Variants in MYO9A observed in about 807,000 individuals in gnomAD.
MYO9A encodes myosin IXA, also known as unconventional myosin-IXa.
Under a neutral mutation model 293.3 loss-of-function variants are expected in MYO9A, and 103 were observed. That is an observed-to-expected ratio of 0.35 (90% CI 0.30 to 0.41). MYO9A has a LOEUF of 0.41. Among genes scored for constraint, MYO9A ranks in the 10% least tolerant of loss-of-function variants. The pLI is 1.00. For synonymous variants in MYO9A, 1,001 were observed against 1,035.7 expected, an observed-to-expected ratio of 0.97 and a Z score of 0.64; for missense variants, 2,685 against 3,033.0, an observed-to-expected ratio of 0.89 and a Z score of 2.69.
Position 71,978,214 on chromosome 15 carries a change from T to C in MYO9A, c.1801A>G (p.Lys601Glu), listed in dbSNP as rs371870166. 6.2e-6 allele frequency: 10 copies of C among 1,613,346 alleles called. No individual in the cohort carries two copies. The African/African-American group carries it at 8.0e-5, about 13-fold the overall frequency. ...DNTCCINLIS[K>E]KPTGLLHLLD... ...AGATGAAGCAGTCCTGTTGGTTTTT[T>C]GCTAATAAGATTTATGCAGCAGGTA... The change falls in exon 12 of 42, where the codon AAA (lysine) becomes GAA (glutamate). Residue 601 changes from lysine to glutamate, a missense_variant. Around this residue, in one of 10 missense-constraint regions of MYO9A, gnomAD observed 201 missense variants for 245.2 expected, o/e 0.82. Coordinates refer to ENST00000356056, the MANE Select transcript of MYO9A (RefSeq NM_006901.4).
chr15:71,945,914 G>GA (rs2058905746), intron 15 of MYO9A, among the ~76,000 whole-genome samples: 1 of 152,088 alleles, frequency 6.6e-6, no homozygotes, highest in Non-Finnish European at 1.5e-5. Context: ...TCTATTCCTA[G>GA]GCTACTAAAA....
Position 72,100,970 on chromosome 15 carries a change from G to T in MYO9A, c.-72+16710C>A, listed in dbSNP as rs867312586. ...AGCCGCCGCGTCCCGGAGGGAGGTG[G>T]GGGGGTCAGCCCCCCGCCTGGCCAG... On this transcript the variant is annotated intron_variant, in intron 1 of 41. Coordinates refer to ENST00000356056, the MANE Select transcript of MYO9A (RefSeq NM_006901.4). Among the ~76,000 whole-genome samples the T allele has an allele frequency of 3.7e-5, 5 of 133,802 alleles. 1 individual carries two copies. The highest frequency in any genetic ancestry group is 1.4e-4 in the African/African-American group (5 of 36,592). 87.8% of individuals were successfully genotyped at this position (133,802 alleles called of 152,430 possible). A position where few individuals can be genotyped will look rare whatever the true frequency, so the allele number is the denominator to read the frequency against.
chr15:72,005,243 A>G (rs1367568873), intron 8 of MYO9A, among the ~76,000 whole-genome samples: 1 of 152,200 alleles, frequency 6.6e-6, no homozygotes, highest in Non-Finnish European at 1.5e-5. Context: ...GTCAAATCAT[A>G]TTTGCCATTT....
chr15:72,008,038 C>A (rs2077063963), intron 7 of MYO9A, 86 bp from the exon 8 acceptor site: 9 of 1,453,064 alleles, frequency 6.2e-6, no homozygotes, highest in East Asian at 2.3e-5. Flanking sequence ...AGCAAATTAA[C>A]CTACAAATAT....
chr15:72,030,047 T>C (rs2077813655), intron 3 of MYO9A, among the ~76,000 whole-genome samples: 1 of 152,130 alleles, frequency 6.6e-6, no homozygotes, highest in South Asian at 2.1e-4. Flanking sequence ...CCAGTCTCTG[T>C]CCAGTAAATT....
At chr15:72,011,936 CATTGAATT>C (rs2077186779) in intron 6 of MYO9A, among the ~76,000 whole-genome samples, 1 of 152,110 alleles carries the variant, frequency 6.6e-6, no homozygotes, top group Non-Finnish European at 1.5e-5. Context: ...AATACATAGT[CATTGAATT>C]ATTGAATAAT....
intron 12 of MYO9A, among the ~76,000 whole-genome samples, chr15:71,973,629 C>G (rs1048598760): frequency 1.3e-5 from 2 of 152,018 alleles, no homozygotes; most frequent in African/African-American, 4.8e-5. Flanking sequence ...CTAGAAATGC[C>G]AAGCAGAACA....
intron 9 of MYO9A, among the ~76,000 whole-genome samples, chr15:71,997,458 G>C (rs1168842810): frequency 6.6e-6 from 1 of 151,962 alleles, no homozygotes; most frequent in Non-Finnish European, 1.5e-5. Context: ...AAATTAGCTG[G>C]GCATGGTGGC....
At chr15:71,867,934 T>C (rs553500678) in intron 32 of MYO9A, among the ~76,000 whole-genome samples, 8 of 152,096 alleles carry the variant, frequency 5.3e-5, no homozygotes, top group Admixed American at 2.0e-4. Context: ...AGTTGTGAAA[T>C]AGATTTCTGT....
intron 3 of MYO9A, among the ~76,000 whole-genome samples, chr15:72,030,048 C>T (rs1321249464): frequency 2.6e-5 from 4 of 152,052 alleles, no homozygotes; most frequent in Non-Finnish European, 1.5e-5. Flanking sequence ...CAGTCTCTGT[C>T]CAGTAAATTG....
intron 15 of MYO9A, among the ~76,000 whole-genome samples, chr15:71,948,934 G>A (rs2058986454): frequency 1.1e-5 from 1 of 94,508 alleles, no homozygotes; most frequent in Non-Finnish European, 2.3e-5. Context: ...CAGAAATTCT[G>A]GTTCAAATTT....
At chr15:72,028,258 C>G (rs960515173) in intron 3 of MYO9A, among the ~76,000 whole-genome samples, 1 of 139,754 alleles carries the variant, frequency 7.2e-6, no homozygotes, top group South Asian at 2.3e-4. Context: ...TATGTACATA[C>G]TATTATAATT....
chr15:72,044,843 T>C (rs779053600), intron 2 of MYO9A, among the ~76,000 whole-genome samples: 7 of 152,210 alleles, frequency 4.6e-5, no homozygotes, highest in Non-Finnish European at 4.4e-5. Context: ...CTTTCTCCCC[T>C]TATAGGGGGA....
At chr15:71,900,488 G>A (rs1398848745) in intron 23 of MYO9A, among the ~76,000 whole-genome samples, 5 of 152,004 alleles carry the variant, frequency 3.3e-5, no homozygotes, top group African/African-American at 1.2e-4. Flanking sequence ...AAGTGTACCT[G>A]AAAAAGATAA....
At chr15:71,851,888 T>G (rs2141347409) in intron 36 of MYO9A, among the ~76,000 whole-genome samples, 1 of 152,336 alleles carries the variant, frequency 6.6e-6, no homozygotes, top group South Asian at 2.1e-4. Flanking sequence ...TTCCATTTCT[T>G]TGTAAGAAGC....
chr15:71,990,854 A>C (rs1164304126), intron 11 of MYO9A, among the ~76,000 whole-genome samples: 1 of 152,202 alleles, frequency 6.6e-6, no homozygotes, highest in African/African-American at 2.4e-5. Flanking sequence ...AATTGAAGCT[A>C]CCAGACTACT....
intron 1 of MYO9A, among the ~76,000 whole-genome samples, chr15:72,060,498 T>C (rs1596486240): frequency 6.6e-6 from 1 of 152,158 alleles, no homozygotes; most frequent in Non-Finnish European, 1.5e-5. Context: ...GCAGCAGCCA[T>C]GTTGTCCAGA....
chr15:71,947,667 T>A (rs1339395481), intron 15 of MYO9A, among the ~76,000 whole-genome samples: 1 of 152,182 alleles, frequency 6.6e-6, no homozygotes, highest in Non-Finnish European at 1.5e-5. Flanking sequence ...TGAATGACCA[T>A]CCTGATACCT....
intron 4 of MYO9A, among the ~76,000 whole-genome samples, chr15:72,027,450 G>A (rs778347876): frequency 1.3e-5 from 2 of 152,032 alleles, no homozygotes; most frequent in Non-Finnish European, 2.9e-5. Flanking sequence ...AAGGAAATGG[G>A]AGCAAAGTCC....
Sources: allele counts gnomAD v4.1 joint callset (sites outside exome capture counted in the v4.1 genomes callset), GRCh38; gene constraint gnomAD v4.1.1; regional missense constraint gnomAD v4.1.1; transcripts MANE v1.5; gene names NCBI Gene and HGNC (gene_info 2026-07-23, HGNC 2026-07-21).